COL22A1: variants seen among roughly 807,000 people sequenced by gnomAD.
COL22A1 encodes collagen alpha-1(XXII) chain.
Under a neutral mutation model 248.9 loss-of-function variants are expected in COL22A1, and 221 were observed. The observed-to-expected ratio is 0.89, with a 90% CI of 0.80 to 0.99. The LOEUF is 0.99. Ranked by LOEUF, COL22A1 falls within the 50% of genes least tolerant of loss-of-function variation. COL22A1 has a pLI of 0.00. For missense variants in COL22A1, 2,240 were observed against 2,179.0 expected, an observed-to-expected ratio of 1.03 and a Z score of -0.56; for synonymous variants, 891 against 793.4, an observed-to-expected ratio of 1.12 and a Z score of -2.07.
At chr8:138,591,320 C>G in intron 64 of COL22A1, 104 bp downstream of exon 64, 1 of 624,198 alleles carries the variant, frequency 1.6e-6, no homozygotes, top group Non-Finnish European at 2.6e-6. Context: ...AGAGCCTAAG[C>G]CCTCCTCTCC....
At position 138,760,753 on chromosome 8, in the gene COL22A1, C is replaced by G. The variant is rs182534318; in HGVS notation, c.1858-466G>C. On this transcript the variant is annotated intron_variant, in intron 17 of 64. Coordinates refer to ENST00000303045, the MANE Select transcript of COL22A1 (RefSeq NM_152888.3). ...GGATTAGTTAGGGCCACAGGGAAAT[C>G]AAAGTCCCAGAAGTCTGGTGCAGAG... Among the ~76,000 whole-genome samples, 67 of 152,292 alleles carry G rather than the reference C, an allele frequency of 4.4e-4. 1 individual carries two copies. Among genetic ancestry groups the G allele is most frequent in the Admixed American group, 4.2e-3 (65 of 15,302 alleles).
At position 138,737,821 on chromosome 8, in the gene COL22A1, T is replaced by G. The variant is rs544249545; in HGVS notation, c.2086-244A>C. 5.9e-5 allele frequency among the ~76,000 whole-genome samples: 9 copies of G among 152,164 alleles called. No individual in the cohort carries two copies. The South Asian group carries it at 1.7e-3, about 28-fold the overall frequency. ...TAACTTAAATGTGTTCGGTAACTCA[T>G]GGACCCATGTTCAAAAGATACAGAA... On this transcript the variant is annotated intron_variant, in intron 22 of 64. Coordinates refer to ENST00000303045, the MANE Select transcript of COL22A1 (RefSeq NM_152888.3).
At chr8:138,641,751 C>T (rs143988095) in intron 47 of COL22A1, among the ~76,000 whole-genome samples, 473 of 152,272 alleles carry the variant, frequency 3.1e-3, no homozygotes, top group African/African-American at 0.01. Flanking sequence ...ACCCTCTTGG[C>T]AGTGCAGGAG....
chr8:138,642,524 T>C (rs1032776592), intron 47 of COL22A1, among the ~76,000 whole-genome samples: 3 of 152,174 alleles, frequency 2.0e-5, no homozygotes, highest in Non-Finnish European at 4.4e-5. Context: ...GCAGCACTAA[T>C]TGTTGTTCTT....
intron 40 of COL22A1, among the ~76,000 whole-genome samples, chr8:138,679,320 A>G (rs1825790327): frequency 6.6e-6 from 1 of 152,250 alleles, no homozygotes; most frequent in Non-Finnish European, 1.5e-5. Flanking sequence ...AGTTTGAAAC[A>G]GAAACTGTCC....
At position 138,655,954 on chromosome 8, in the gene COL22A1, TA is replaced by T; in HGVS notation, c.3286-11del. 2 of 1,609,112 alleles carry T rather than the reference TA, an allele frequency of 1.2e-6. No individual in the cohort carries two copies. Among genetic ancestry groups the T allele is most frequent in the African/African-American group, 1.3e-5 (1 of 74,844 alleles). On this transcript the variant is annotated splice_polypyrimidine_tract_variant and intron_variant, in intron 44 of 64. Coordinates refer to ENST00000303045, the MANE Select transcript of COL22A1 (RefSeq NM_152888.3). ...GTAGTGAAGAGAGGCCCTGTCAAAA[TA>T]AAAAGAAACAAACACATACGTACAT...
intron 25 of COL22A1, among the ~76,000 whole-genome samples, chr8:138,723,538 G>A (rs556010828): frequency 3.0e-4 from 46 of 152,230 alleles, no homozygotes; most frequent in South Asian, 8.3e-4. Flanking sequence ...TGTTCACACC[G>A]ATCTGCATAC....
chr8:138,840,193 T>A (rs1462768047), intron 4 of COL22A1, among the ~76,000 whole-genome samples: 1 of 152,144 alleles, frequency 6.6e-6, no homozygotes, highest in Admixed American at 6.5e-5. Flanking sequence ...TGAGGCTCCA[T>A]CTCTCCACAA....
chr8:138,649,196 T>C (rs1343400746), intron 46 of COL22A1, among the ~76,000 whole-genome samples: 2 of 152,216 alleles, frequency 1.3e-5, no homozygotes, highest in Non-Finnish European at 2.9e-5. Flanking sequence ...CCCCATTGTC[T>C]ACATGTTGAC....
chr8:138,724,369 G>A (rs751308574), intron 25 of COL22A1, among the ~76,000 whole-genome samples: 11 of 152,188 alleles, frequency 7.2e-5, no homozygotes, highest in Non-Finnish European at 1.3e-4. Flanking sequence ...CAGTGGCCTA[G>A]GGACTGTGGT....
At chr8:138,646,167 A>G (rs1473618915) in intron 47 of COL22A1, among the ~76,000 whole-genome samples, 3 of 152,244 alleles carry the variant, frequency 2.0e-5, no homozygotes, top group Non-Finnish European at 4.4e-5. Flanking sequence ...GCTTTTAGAC[A>G]GATGCCTTAT....
intron 1 of COL22A1, among the ~76,000 whole-genome samples, chr8:138,891,696 C>A (rs1333581219): frequency 6.6e-6 from 1 of 152,152 alleles, no homozygotes. Context: ...AGTCACTCAG[C>A]AACATTGCTT....
intron 48 of COL22A1, among the ~76,000 whole-genome samples, chr8:138,635,473 G>C (rs1301057163): frequency 6.6e-6 from 1 of 152,094 alleles, no homozygotes; most frequent in Non-Finnish European, 1.5e-5. Flanking sequence ...TAAATGCACA[G>C]AAACACAATG....
chr8:138,681,363 G>A (rs1403360732), intron 39 of COL22A1, among the ~76,000 whole-genome samples: 1 of 151,992 alleles, frequency 6.6e-6, no homozygotes, highest in Non-Finnish European at 1.5e-5. Context: ...GGATCCATTG[G>A]ATCAGTGGAT....
intron 10 of COL22A1, among the ~76,000 whole-genome samples, chr8:138,804,848 A>T (rs1217823835): frequency 1.5e-5 from 2 of 130,358 alleles, no homozygotes; most frequent in South Asian, 5.0e-4. Context: ...GTGCATACGT[A>T]TGTATATGTG....
intron 4 of COL22A1, among the ~76,000 whole-genome samples, chr8:138,835,455 T>G (rs980261323): frequency 6.6e-6 from 1 of 152,178 alleles, no homozygotes; most frequent in African/African-American, 2.4e-5. Context: ...GTCCCACAAC[T>G]GAGGTCCCCT....
rs147947823 is a variant in COL22A1, at chr8:138,704,004, C to T, written c.2518-657G>A. 5.8e-3 allele frequency among the ~76,000 whole-genome samples: 887 copies of T among 152,352 alleles called. 7 individuals carry two copies. The highest frequency in any genetic ancestry group is 0.02 in the African/African-American group (846 of 41,580). On this transcript the variant is annotated intron_variant, in intron 30 of 64. Coordinates refer to ENST00000303045, the MANE Select transcript of COL22A1 (RefSeq NM_152888.3). Reference sequence around the variant, plus strand: ...CCCGCACCTGGCTCAGAAGGTCCCACGTCCACAGAGCCTCACTCACTGCTA... The same window carrying T: ...CCCGCACCTGGCTCAGAAGGTCCCATGTCCACAGAGCCTCACTCACTGCTA...
chr8:138,640,101 T>C (rs924021113), intron 47 of COL22A1, among the ~76,000 whole-genome samples: 1 of 152,218 alleles, frequency 6.6e-6, no homozygotes, highest in Non-Finnish European at 1.5e-5. Context: ...CTTTCAGTCT[T>C]TGCAATCTCT....
intron 3 of COL22A1, among the ~76,000 whole-genome samples, chr8:138,851,346 C>T (rs1026758077): frequency 5.9e-5 from 9 of 152,092 alleles, no homozygotes; most frequent in East Asian, 3.9e-4. Flanking sequence ...AGTGGCAGGA[C>T]GAGAGGGACA....
Sources: gnomAD v4.1 joint callset for allele counts (sites outside exome capture counted in the v4.1 genomes callset) on GRCh38, gnomAD v4.1.1 for gene constraint, MANE v1.5 for transcripts, NCBI Gene and HGNC (gene_info 2026-07-23, HGNC 2026-07-21) for gene names.